Variants in VIPR2 observed in about 807,000 individuals in gnomAD.
VIPR2 encodes the protein vasoactive intestinal peptide receptor 2.
Under a neutral mutation model 58.0 loss-of-function variants are expected in VIPR2, and 48 were observed. The observed-to-expected ratio is 0.83, with a 90% CI of 0.66 to 1.05. The LOEUF (loss-of-function observed/expected upper bound fraction) is 1.05. Ranked by LOEUF, VIPR2 falls within the 50% of genes least tolerant of loss-of-function variation. The pLI is 0.00. For missense variants in VIPR2, 534 were observed against 558.0 expected, an observed-to-expected ratio of 0.96 and a Z score of 0.43; for synonymous variants, 243 against 235.2, an observed-to-expected ratio of 1.03 and a Z score of -0.30.
chr7:159,035,064 C>T (rs866006797), intron 8 of VIPR2, among the ~76,000 whole-genome samples: 3 of 152,220 alleles, frequency 2.0e-5, no homozygotes, highest in Non-Finnish European at 4.4e-5. Flanking sequence ...GCCACCAGCT[C>T]TCCAGCTCAT....
At chr7:159,038,575 A>C (rs1854120107) in intron 6 of VIPR2, among the ~76,000 whole-genome samples, 1 of 152,162 alleles carries the variant, frequency 6.6e-6, no homozygotes, top group South Asian at 2.1e-4. Flanking sequence ...AAAGTGAAAT[A>C]AATCAAGTTT....
intron 5 of VIPR2, among the ~76,000 whole-genome samples, chr7:159,047,231 C>T (rs192776337): frequency 1.7e-4 from 26 of 152,114 alleles, no homozygotes; most frequent in South Asian, 6.2e-4. Context: ...GCAACACAAG[C>T]GAAACTTTGT....
intron 2 of VIPR2, among the ~76,000 whole-genome samples, chr7:159,130,529 A>G (rs1796860821): frequency 6.6e-6 from 1 of 152,082 alleles, no homozygotes; most frequent in South Asian, 2.1e-4. Context: ...CCCACCCAGA[A>G]GTGATTCAGC....
intron 4 of VIPR2, among the ~76,000 whole-genome samples, chr7:159,081,336 T>G (rs1280462653): frequency 6.6e-6 from 1 of 152,206 alleles, no homozygotes; most frequent in African/African-American, 2.4e-5. Flanking sequence ...TATCTGATCT[T>G]TGACAAACCT....
chr7:159,138,782 T>G (rs1332186299), intron 2 of VIPR2, among the ~76,000 whole-genome samples: 1 of 152,218 alleles, frequency 6.6e-6, no homozygotes, highest in Non-Finnish European at 1.5e-5. Flanking sequence ...AGCAGTGAAG[T>G]CTGTAGAGAC....
chr7:159,052,547 T>C (rs751801475), intron 5 of VIPR2, among the ~76,000 whole-genome samples: 5 of 152,204 alleles, frequency 3.3e-5, no homozygotes, highest in Non-Finnish European at 5.9e-5. Context: ...AACACTTTCC[T>C]CTTCACTTTA....
Position 159,030,442 on chromosome 7 carries a change from C to T in VIPR2, c.*174G>A. ...GGAGTTTAAATCGAGTCAATGACAA[C>T]ACGACTCCAATTCCAGGTATGGGGT... is the stretch of plus-strand genomic sequence containing the variant. On this transcript the variant is annotated 3_prime_UTR_variant, in exon 13 of 13. Coordinates refer to ENST00000262178, the MANE Select transcript of VIPR2 (RefSeq NM_003382.5). The T allele has an allele frequency of 1.5e-6, 1 of 668,954 alleles. No homozygotes were observed. 41.4% of individuals were successfully genotyped at this position (668,954 alleles called of 1,614,324 possible).
rs149327671 is a variant in VIPR2, at chr7:159,119,210, G to C, written c.152-9291C>G. Among the ~76,000 whole-genome samples, 641 of 152,308 alleles carry C rather than the reference G, an allele frequency of 4.2e-3. 1 individual carries two copies. The highest frequency in any genetic ancestry group is 8.7e-3 in the Admixed American group (133 of 15,306). On this transcript the variant is annotated intron_variant, in intron 2 of 12. Coordinates refer to ENST00000262178, the MANE Select transcript of VIPR2 (RefSeq NM_003382.5). ...CCCGGGTGGACACAGGAGATAGGAAGGATGGGGCCCAGGCATGCAGGGGTC... is the reference window on the plus strand; with the variant it reads ...CCCGGGTGGACACAGGAGATAGGAACGATGGGGCCCAGGCATGCAGGGGTC...
intron 2 of VIPR2, among the ~76,000 whole-genome samples, chr7:159,141,093 T>C (rs534337254): frequency 5.3e-5 from 8 of 152,340 alleles, no homozygotes; most frequent in South Asian, 4.1e-4. Flanking sequence ...CAGGACTACC[T>C]TTCCTAACTC....
chr7:159,110,069 G>C, intron 2 of VIPR2, 150 bp from the exon 3 acceptor site: 1 of 712,690 alleles, frequency 1.4e-6, no homozygotes, highest in Non-Finnish European at 2.3e-6. Context: ...TTAGCTTGTG[G>C]GTTCATCTCA....
At chr7:159,143,737 T>C (rs1358115528) in intron 1 of VIPR2, among the ~76,000 whole-genome samples, 1 of 152,264 alleles carries the variant, frequency 6.6e-6, no homozygotes, top group Admixed American at 6.5e-5. Flanking sequence ...GTAAAAGACA[T>C]TAATAATACC....
In VIPR2 at chr7:159,030,710, G is replaced by A. The variant is rs1286263951; in HGVS notation, c.1223C>T (p.Ser408Phe). Residue 408 changes from serine to phenylalanine, a missense_variant, in exon 13 of 13, where the codon TCC becomes TTC. Ser to Phe is a radical substitution (Grantham distance 155, BLOSUM62 -2). Transcript: ENST00000262178. The part of the protein sequence containing the change: ...SASRDYRVCG[S>F]SFSRNGSEGA... ...CTCCGAGCCGTTGCGGGAGAAGGAG[G>A]AACCGCAGACCCTGTAATCCCGGCT... The A allele has an allele frequency of 3.8e-6, 6 of 1,592,172 alleles. No individual in the cohort carries two copies. Among genetic ancestry groups the A allele is most frequent in the African/African-American group, 2.7e-5 (2 of 74,544 alleles).
intron 3 of VIPR2, among the ~76,000 whole-genome samples, chr7:159,107,818 G>C (rs971541153): frequency 1.3e-5 from 2 of 152,190 alleles, no homozygotes; most frequent in African/African-American, 4.8e-5. Context: ...CCAGGGTCCC[G>C]CCTGGCACAG....
At chr7:159,144,393 C>CA in intron 1 of VIPR2, 1 of 1,545,172 alleles carries the variant, frequency 6.5e-7, no homozygotes, top group Non-Finnish European at 8.7e-7. Context: ...CCGCAGCTCC[C>CA]AGCTCCCGGG....
chr7:159,119,568 CA>C (rs1235014171), intron 2 of VIPR2, among the ~76,000 whole-genome samples: 1 of 152,214 alleles, frequency 6.6e-6, no homozygotes, highest in Non-Finnish European at 1.5e-5. Flanking sequence ...GGCACAACCC[CA>C]ACGCTCTGAC....
Position 159,030,395 on chromosome 7 carries a change from T to C in VIPR2, c.*221A>G. On this transcript the variant is annotated 3_prime_UTR_variant, in exon 13 of 13. Transcript: ENST00000262178. ...TCCACTATACGGCTGAAACACATTT[T>C]GCACAAGATTATCTAAATGCTGGAG... The C allele has an allele frequency of 2.1e-6, 1 of 478,570 alleles. No individual in the cohort carries two copies. The allele number at this position is 478,570 out of a possible 1,614,324, so 29.6% of individuals were successfully genotyped here.
At chr7:159,139,741 C>T (rs1421832849) in intron 2 of VIPR2, among the ~76,000 whole-genome samples, 28 of 152,266 alleles carry the variant, frequency 1.8e-4, no homozygotes, top group Admixed American at 1.8e-3. Flanking sequence ...TGCTTCTCCC[C>T]AGAGGAGGTC....
chr7:159,038,809 T>A (rs909275572), intron 6 of VIPR2, among the ~76,000 whole-genome samples: 10 of 152,182 alleles, frequency 6.6e-5, no homozygotes, highest in African/African-American at 2.2e-4. Context: ...TTTGGTTATA[T>A]AAACTTTAAA....
chr7:159,044,463 G>A (rs771331906), intron 5 of VIPR2, among the ~76,000 whole-genome samples: 141 of 151,498 alleles, frequency 9.3e-4, no homozygotes, highest in Admixed American at 1.6e-3. Flanking sequence ...CCATTTACAG[G>A]AAAAATAAAA....
Sources: allele counts gnomAD v4.1 joint callset (sites outside exome capture counted in the v4.1 genomes callset), GRCh38; gene constraint gnomAD v4.1.1; transcripts MANE v1.5; gene names NCBI Gene and HGNC (gene_info 2026-07-23, HGNC 2026-07-21).